Variants in MAPK8 observed in about 807,000 individuals in gnomAD.
MAPK8 encodes mitogen-activated protein kinase 8, also known as JUN N-terminal kinase.
Under a neutral mutation model 52.9 loss-of-function variants are expected in MAPK8, and 13 were observed. The ratio of observed to expected loss-of-function variants is 0.25; its 90% CI spans 0.16 to 0.39. The LOEUF is 0.39. Ranked by LOEUF, MAPK8 falls within the 10% of genes least tolerant of loss-of-function variation. MAPK8 has a pLI of 1.00. For synonymous variants in MAPK8, 191 were observed against 169.8 expected (o/e 1.12, Z -0.97); for missense variants, 300 against 519.2 (o/e 0.58, Z 4.10).
intron 5 of MAPK8, among the ~76,000 whole-genome samples, chr10:48,413,857 ATATT>A (rs2042913849): frequency 8.0e-6 from 1 of 124,574 alleles, no homozygotes; most frequent in Admixed American, 8.7e-5. Context: ...ATATATATAT[ATATT>A]CAGAAATATT....
chr10:48,327,820 C>G (rs1167459259), intron 1 of MAPK8, among the ~76,000 whole-genome samples: 1 of 152,096 alleles, frequency 6.6e-6, no homozygotes. Flanking sequence ...CAGGTTTGTT[C>G]AGGTTATCTG....
chr10:48,363,336 A>G (rs1003503193), intron 1 of MAPK8, among the ~76,000 whole-genome samples: 15 of 152,030 alleles, frequency 9.9e-5, no homozygotes, highest in African/African-American at 3.4e-4. Context: ...ATCTATTCCT[A>G]TTTCTCTTTT....
chr10:48,324,616 A>C (rs1843317583), intron 1 of MAPK8, among the ~76,000 whole-genome samples: 2 of 150,432 alleles, frequency 1.3e-5, no homozygotes, highest in African/African-American at 4.9e-5. Flanking sequence ...GTAGCAATTA[A>C]CTTTTATCTC....
At chr10:48,340,564 C>T (rs1416019964) in intron 1 of MAPK8, among the ~76,000 whole-genome samples, 1 of 152,138 alleles carries the variant, frequency 6.6e-6, no homozygotes, top group Non-Finnish European at 1.5e-5. Context: ...TCATAATTCT[C>T]TATTAAATAT....
chr10:48,352,668 G>C (rs1360475759), intron 1 of MAPK8, among the ~76,000 whole-genome samples: 2 of 152,194 alleles, frequency 1.3e-5, no homozygotes, highest in Non-Finnish European at 2.9e-5. Flanking sequence ...CATACCTGAT[G>C]AAAGACTGAA....
intron 6 of MAPK8, among the ~76,000 whole-genome samples, chr10:48,420,759 C>T (rs1055909368): frequency 6.6e-6 from 1 of 152,170 alleles, no homozygotes; most frequent in East Asian, 1.9e-4. Flanking sequence ...TTAAGAGATA[C>T]ATTAAGGCCT....
At chr10:48,383,403 G>A (rs1393716735) in intron 1 of MAPK8, among the ~76,000 whole-genome samples, 1 of 152,094 alleles carries the variant, frequency 6.6e-6, no homozygotes, top group Non-Finnish European at 1.5e-5. Context: ...TAACAAATGG[G>A]TACCCTAAAG....
chr10:48,359,451 A>G (rs947356320), intron 1 of MAPK8, among the ~76,000 whole-genome samples: 2 of 152,176 alleles, frequency 1.3e-5, no homozygotes, highest in Non-Finnish European at 1.5e-5. Flanking sequence ...AGTTCTTTGC[A>G]GGTCTTTTTC....
At chr10:48,431,632 TTAGTACATGTAA>T (rs1432718617) in intron 11 of MAPK8, among the ~76,000 whole-genome samples, 1 of 152,210 alleles carries the variant, frequency 6.6e-6, no homozygotes, top group Non-Finnish European at 1.5e-5. Context: ...ACTGCAAAAT[TTAGTACATGTAA>T]TACCAAATTG....
intron 1 of MAPK8, among the ~76,000 whole-genome samples, chr10:48,398,469 C>A (rs901899134): frequency 1.3e-5 from 2 of 152,150 alleles, no homozygotes; most frequent in Admixed American, 6.5e-5. Flanking sequence ...GAATGTGGAA[C>A]AACTGGACCT....
rs530229828 is a variant in MAPK8 at position 48,338,789 on chromosome 10, G to T, written c.-50+31968G>T. Among the ~76,000 whole-genome samples, 5 of 151,976 alleles carry T rather than the reference G, an allele frequency of 3.3e-5. No individual in the cohort carries two copies. The East Asian group carries it at 9.6e-4, about 29-fold the overall frequency. ...ATTTCTATACACCAATAACATTCAAGCTGAGAGCCAAATTAAGAACTAATT... is the reference window on the plus strand; with the variant it reads ...ATTTCTATACACCAATAACATTCAATCTGAGAGCCAAATTAAGAACTAATT... On this transcript the variant is annotated intron_variant, in intron 1 of 11. Coordinates refer to ENST00000374189, the MANE Select transcript of MAPK8 (RefSeq NM_001323329.2).
chr10:48,430,415 A>G (rs916034492), intron 10 of MAPK8: 6 of 152,272 alleles, frequency 3.9e-5, no homozygotes, highest in African/African-American at 1.4e-4. Flanking sequence ...TTAAGTAGAC[A>G]TTCAGACTCA....
At chr10:48,329,458 T>G (rs551840329) in intron 1 of MAPK8, among the ~76,000 whole-genome samples, 1 of 152,028 alleles carries the variant, frequency 6.6e-6, no homozygotes, top group Non-Finnish European at 1.5e-5. Flanking sequence ...ACTCTGGCCA[T>G]GAGACAACGT....
rs1272195576 is a variant in MAPK8 at position 48,435,719 on chromosome 10, C to T, written c.*690C>T. 6.6e-6 allele frequency: 1 copy of T among 152,182 alleles called. No individual in the cohort carries two copies. The highest frequency in any genetic ancestry group is 1.5e-5 in the Non-Finnish European group (1 of 68,040). The allele number at this position is 152,182 out of a possible 1,614,324, so 9.4% of individuals were successfully genotyped here. A position where few individuals can be genotyped will look rare whatever the true frequency, so the allele number is the denominator to read the frequency against. Reference sequence around the variant, plus strand: ...GTCTTTGAAGATGCTGGGCGTCTACCACCACCTTATGTCCCCACCCTACCC... The same window carrying T: ...GTCTTTGAAGATGCTGGGCGTCTACTACCACCTTATGTCCCCACCCTACCC... On this transcript the variant is annotated 3_prime_UTR_variant, in exon 12 of 12. Coordinates refer to ENST00000374189, the MANE Select transcript of MAPK8 (RefSeq NM_001323329.2).
intron 5 of MAPK8, among the ~76,000 whole-genome samples, chr10:48,415,962 A>G (rs1344210539): frequency 2.6e-5 from 4 of 152,166 alleles, no homozygotes; most frequent in South Asian, 2.1e-4. Context: ...TCTGTTATCT[A>G]TTATGAAGAA....
intron 1 of MAPK8, among the ~76,000 whole-genome samples, chr10:48,356,105 C>A (rs1475750174): frequency 6.6e-6 from 1 of 152,106 alleles, no homozygotes; most frequent in Non-Finnish European, 1.5e-5. Context: ...GCCAGAGATA[C>A]AAGAAAGATC....
At chr10:48,327,912 G>A (rs1267049773) in intron 1 of MAPK8, among the ~76,000 whole-genome samples, 1 of 152,312 alleles carries the variant, frequency 6.6e-6, no homozygotes, top group African/African-American at 2.4e-5. Flanking sequence ...TTGGTGTACA[G>A]AGTTGTTCAT....
At chr10:48,363,215 T>C (rs1312427483) in intron 1 of MAPK8, among the ~76,000 whole-genome samples, 1 of 152,188 alleles carries the variant, frequency 6.6e-6, no homozygotes, top group African/African-American at 2.4e-5. Flanking sequence ...CAGTCCCACA[T>C]GGGAGCAGGA....
At chr10:48,422,533 T>G (rs1289543130) in intron 6 of MAPK8, among the ~76,000 whole-genome samples, 2 of 152,202 alleles carry the variant, frequency 1.3e-5, no homozygotes, top group African/African-American at 4.8e-5. Flanking sequence ...GCTTGCAGCT[T>G]TCAAAATACT....
Sources: allele counts gnomAD v4.1 joint callset (sites outside exome capture counted in the v4.1 genomes callset), GRCh38; gene constraint gnomAD v4.1.1; transcripts MANE v1.5; gene names NCBI Gene and HGNC (gene_info 2026-07-23, HGNC 2026-07-21).